Variants in CAMSAP1 observed in about 807,000 individuals in gnomAD.
CAMSAP1 encodes calmodulin regulated spectrin associated protein 1, also known as calmodulin-regulated spectrin-associated protein 1.
CAMSAP1 carries 58 observed loss-of-function variants against 143.5 expected under a neutral mutation model. The observed-to-expected ratio is 0.40, with a 90% confidence interval of 0.33 to 0.50. The LOEUF is 0.50. Ranked by LOEUF, CAMSAP1 falls within the 20% of genes least tolerant of loss-of-function variation. The pLI is 0.45. For missense variants in CAMSAP1, 1,969 were observed against 2,115.7 expected (o/e 0.93, Z 1.36); for synonymous variants, 945 against 859.3 (o/e 1.10, Z -1.74).
intron 1 of CAMSAP1, among the ~76,000 whole-genome samples, chr9:135,884,795 G>C (rs1020239012): frequency 5.9e-5 from 9 of 152,206 alleles, no homozygotes; most frequent in Admixed American, 1.3e-4. Context: ...GCAGAGGTGA[G>C]CACAGAGCCA....
Position 135,869,654 on chromosome 9 carries a change from G to T in CAMSAP1, c.586-3118C>A, listed in dbSNP as rs1024656483. Among the ~76,000 whole-genome samples the T allele has an allele frequency of 6.6e-5, 10 of 152,250 alleles. No homozygotes were observed. The East Asian group carries it at 9.6e-4, about 15-fold the overall frequency. On this transcript the variant is annotated intron_variant, in intron 3 of 16. Coordinates refer to ENST00000389532, the MANE Select transcript of CAMSAP1 (RefSeq NM_015447.4). ...TTCCTCAAAAAGCTAAACACAGAAT[G>T]AATACATGACCCAGCAATTCCACCC... is the stretch of plus-strand genomic sequence containing the variant.
At position 135,821,372 on chromosome 9, in the gene CAMSAP1, G is replaced by T. The variant is rs751395968; in HGVS notation, c.3289C>A (p.Arg1097=). 1.2e-6 allele frequency: 2 copies of T among 1,613,638 alleles called. No individual in the cohort carries two copies. Among genetic ancestry groups the T allele is most frequent in the South Asian group, 2.2e-5 (2 of 91,078 alleles). Reference sequence around the variant, plus strand: ...GCCGGCCTTCCGGAACGGGAATTCCGGCCTTGACCCAGCCGGGGGGCTTTG... The same window carrying T: ...GCCGGCCTTCCGGAACGGGAATTCCTGCCTTGACCCAGCCGGGGGGCTTTG... ...HRKAPRLGQG[R]NSRSGRPAEL... Residue 1097 remains arginine (R), a synonymous_variant, in exon 11 of 17, where the codon CGG becomes AGG. Transcript: ENST00000389532. The surrounding 1 kb of genome is among the most constrained non-coding windows in gnomAD (Gnocchi z 4.6).
At chr9:135,844,213 T>G (rs1196647409) in intron 7 of CAMSAP1, among the ~76,000 whole-genome samples, 1 of 152,134 alleles carries the variant, frequency 6.6e-6, no homozygotes, top group Non-Finnish European at 1.5e-5. Flanking sequence ...AAAACACTCC[T>G]CAGCAAATGC....
chr9:135,838,447 ACG>A (rs1379651063), intron 7 of CAMSAP1, among the ~76,000 whole-genome samples: 7 of 133,232 alleles, frequency 5.3e-5, no homozygotes, highest in African/African-American at 2.0e-4. Flanking sequence ...ACACATCATC[ACG>A]CACTTTCCAC....
intron 5 of CAMSAP1, 82 bp from the exon 6 acceptor site, chr9:135,850,543 A>G: frequency 8.8e-7 from 1 of 1,134,214 alleles, no homozygotes; most frequent in Non-Finnish European, 1.2e-6. Context: ...AATGAAAACC[A>G]TTTTACATAA....
chr9:135,855,912 C>T (rs1008927767), intron 5 of CAMSAP1, among the ~76,000 whole-genome samples: 10 of 151,526 alleles, frequency 6.6e-5, no homozygotes, highest in Non-Finnish European at 1.0e-4. Flanking sequence ...ATTAGCCGGG[C>T]GCGGTGGCGG....
At position 135,822,561 on chromosome 9, in the gene CAMSAP1, G is replaced by A. The variant is rs375188511; in HGVS notation, c.2100C>T (p.Phe700=). ...PFPQGPSTDG[F]FLHVGRADED... is the part of the protein sequence containing the mutation. Reference sequence around the variant, plus strand: ...CATCGGCCCTGCCTACATGAAGGAAGAAGCCATCCGTGGATGGTCCCTGGG... The same window carrying A: ...CATCGGCCCTGCCTACATGAAGGAAAAAGCCATCCGTGGATGGTCCCTGGG... The change falls in exon 11 of 17, where the codon TTC becomes TTT. Residue 700 remains phenylalanine, a synonymous_variant. Transcript: ENST00000389532. The surrounding 1 kb of genome is among the most constrained non-coding windows in gnomAD (Gnocchi z 6.1). 24 of 1,613,628 alleles carry A rather than the reference G, an allele frequency of 1.5e-5. No homozygotes were observed. The African/African-American group carries it at 1.7e-4, about 12-fold the overall frequency.
Position 135,824,035 on chromosome 9 carries a change from C to G in CAMSAP1, c.1316-1G>C. ...AAAGAATTCGATCGATGTCGCTGAT[C>G]TGCAGTACAGAGGAATTAGATAGTG... On this transcript the variant is annotated splice_acceptor_variant, in intron 9 of 16. Transcript: ENST00000389532. LOFTEE classifies it high-confidence loss of function. This position sits in a 1 kb window ranked among gnomAD's most constrained non-coding sequence, Gnocchi z 4.1. The G allele has an allele frequency of 1.3e-6, 2 of 1,576,852 alleles. No individual in the cohort carries two copies. The highest frequency in any genetic ancestry group is 1.7e-6 in the Non-Finnish European group (2 of 1,160,292).
intron 7 of CAMSAP1, among the ~76,000 whole-genome samples, chr9:135,828,799 G>A (rs1835762250): frequency 6.6e-6 from 1 of 152,188 alleles, no homozygotes; most frequent in African/African-American, 2.4e-5. Flanking sequence ...TTTGAAAGCA[G>A]CAAGAGAAAA....
chr9:135,858,709 T>A (rs934421578), intron 5 of CAMSAP1, among the ~76,000 whole-genome samples: 3 of 152,234 alleles, frequency 2.0e-5, no homozygotes, highest in African/African-American at 4.8e-5. Flanking sequence ...GGTGGCAGCA[T>A]GCCTGGGTCC....
At position 135,819,063 on chromosome 9, in the gene CAMSAP1, G is replaced by T; in HGVS notation, c.3906C>A (p.Arg1302=). ...CCGCTTCCAGCTGCTGCTTGCGCAC[G>T]CGGGCCTCCTCGGCCTTGCGCTGCT... ...LKQQRKAEEA[R]VRKQQLEAEV... Residue 1302 remains arginine (R), a synonymous_variant, in exon 12 of 17, where the codon CGC becomes CGA. Transcript: ENST00000389532. The T allele has an allele frequency of 6.2e-7, 1 of 1,606,060 alleles. No homozygotes were observed. The highest frequency in any genetic ancestry group is 8.5e-7 in the Non-Finnish European group (1 of 1,178,010).
chr9:135,867,568 G>A (rs899402614), intron 3 of CAMSAP1, among the ~76,000 whole-genome samples: 1 of 151,384 alleles, frequency 6.6e-6, no homozygotes, highest in Non-Finnish European at 1.5e-5. Context: ...TATTTTTGGA[G>A]GAAAGTCGAA....
chr9:135,907,421 C>T lies in CAMSAP1; in HGVS notation c.-262G>A, dbSNP rs1838821355. ...GAGGCGGCGGCAGGAGGGCGCGGGCCGGGGGCGGGGGCGGGCGCGGGGGCG... is the reference window on the plus strand; with the variant it reads ...GAGGCGGCGGCAGGAGGGCGCGGGCTGGGGGCGGGGGCGGGCGCGGGGGCG... On this transcript the variant is annotated 5_prime_UTR_variant, in exon 1 of 17. Transcript: ENST00000389532. Among the ~76,000 whole-genome samples the T allele has an allele frequency of 7.1e-6, 1 of 141,566 alleles. No homozygotes were observed. The highest frequency in any genetic ancestry group is 2.1e-4 in the South Asian group (1 of 4,760). The allele number at this position is 141,566 out of a possible 152,430, so 92.9% of individuals were successfully genotyped here. A position where few individuals can be genotyped will look rare whatever the true frequency, so the allele number is the denominator to read the frequency against.
intron 1 of CAMSAP1, among the ~76,000 whole-genome samples, chr9:135,896,447 T>A (rs1838455876): frequency 6.6e-6 from 1 of 152,190 alleles, no homozygotes; most frequent in Admixed American, 6.5e-5. Context: ...AGCTAGGGAC[T>A]TCAACACCCC....
At chr9:135,885,511 G>A (rs1458430706) in intron 1 of CAMSAP1, among the ~76,000 whole-genome samples, 2 of 152,324 alleles carry the variant, frequency 1.3e-5, no homozygotes, top group East Asian at 1.9e-4. Flanking sequence ...TAAGTGGAGG[G>A]CTGGCATTAG....
At chr9:135,884,628 A>G (rs911620569) in intron 1 of CAMSAP1, among the ~76,000 whole-genome samples, 1 of 152,198 alleles carries the variant, frequency 6.6e-6, no homozygotes, top group South Asian at 2.1e-4. Context: ...CTCAAATCCT[A>G]TACTTGCTGA....
At position 135,821,349 on chromosome 9, in the gene CAMSAP1, C is replaced by T. The variant is rs772630621; in HGVS notation, c.3312G>A (p.Pro1104=). 22 of 1,613,532 alleles carry T rather than the reference C, an allele frequency of 1.4e-5. No homozygotes were observed. The highest frequency in any genetic ancestry group is 5.5e-5 in the South Asian group (5 of 91,070). ...TGTCTTTTGGGACCTTCAGCTCCGC[C>T]GGCCTTCCGGAACGGGAATTCCGGC... is the stretch of plus-strand genomic sequence containing the variant. ...GQGRNSRSGR[P]AELKVPKDRP... is the part of the protein sequence containing the mutation. The change falls in exon 11 of 17, where the codon CCG becomes CCA. Residue 1104 remains proline, a synonymous_variant. Coordinates refer to ENST00000389532, the MANE Select transcript of CAMSAP1 (RefSeq NM_015447.4). The surrounding 1 kb of genome is among the most constrained non-coding windows in gnomAD (Gnocchi z 4.6).
intron 7 of CAMSAP1, among the ~76,000 whole-genome samples, chr9:135,841,318 G>A (rs898485499): frequency 2.0e-5 from 3 of 152,198 alleles, no homozygotes; most frequent in African/African-American, 7.2e-5. Flanking sequence ...TCTCTGAGCA[G>A]GGCATCTCTG....
At position 135,809,051 on chromosome 9, in the gene CAMSAP1, A is replaced by G. The variant is rs757984688; in HGVS notation, c.*2258T>C. On this transcript the variant is annotated 3_prime_UTR_variant, in exon 17 of 17. Transcript: ENST00000389532. Reference sequence around the variant, plus strand: ...TGCAGGGGCTTTGAATATAGGAGACATTGATAAACAGAGTTATAAGTCAGT... The same window carrying G: ...TGCAGGGGCTTTGAATATAGGAGACGTTGATAAACAGAGTTATAAGTCAGT... The G allele has an allele frequency of 6.6e-6, 1 of 152,244 alleles. No individual in the cohort carries two copies. The highest frequency in any genetic ancestry group is 2.4e-5 in the African/African-American group (1 of 41,464). 9.4% of individuals were successfully genotyped at this position (152,244 alleles called of 1,614,324 possible).
Sources: allele counts gnomAD v4.1 joint callset (sites outside exome capture counted in the v4.1 genomes callset), GRCh38; gene constraint gnomAD v4.1.1; non-coding constraint Gnocchi (gnomAD v3.1); transcripts MANE v1.5; gene names NCBI Gene and HGNC (gene_info 2026-07-23, HGNC 2026-07-21).